Variants in FBXO11 observed in about 807,000 individuals in gnomAD.
FBXO11 encodes the protein F-box protein 11.
Under a neutral mutation model 117.0 loss-of-function variants are expected in FBXO11, and 13 were observed. The observed-to-expected ratio is 0.11, with a 90% CI of 0.07 to 0.18. The LOEUF (loss-of-function observed/expected upper bound fraction) is 0.18, where lower values mean the gene tolerates loss of function less well. Ranked by LOEUF, FBXO11 falls within the 10% of genes least tolerant of loss-of-function variation. The pLI, the probability that FBXO11 is intolerant of heterozygous loss-of-function variation, is 1.00. For synonymous variants in FBXO11, 490 were observed against 380.5 expected, an observed-to-expected ratio of 1.29 and a Z score of -3.35; for missense variants, 767 against 1,164.4, an observed-to-expected ratio of 0.66 and a Z score of 4.97.
At chr2:47,902,012 T>A (rs997441767) in intron 1 of FBXO11, among the ~76,000 whole-genome samples, 18 of 152,256 alleles carry the variant, frequency 1.2e-4, no homozygotes, top group African/African-American at 4.3e-4. Flanking sequence ...CTCAGCTCAC[T>A]ACAACCTCAG....
Position 47,807,648 on chromosome 2 carries a change from T to C in FBXO11, c.*470A>G, listed in dbSNP as rs1670315194. The stretch of plus-strand genomic sequence containing the variant: ...GAGATTAAAGCATTAAAATCATATT[T>C]CTCAATCTGAATACATGTTAAAAAA... On this transcript the variant is annotated 3_prime_UTR_variant, in exon 23 of 23. Coordinates refer to ENST00000403359, the MANE Select transcript of FBXO11 (RefSeq NM_001190274.2). The C allele has an allele frequency of 9.3e-6, 2 of 215,488 alleles. No individual in the cohort carries two copies. Among genetic ancestry groups the C allele is most frequent in the Non-Finnish European group, 1.8e-5 (2 of 110,192 alleles). The allele number at this position is 215,488 out of a possible 1,614,324, so 13.3% of individuals were successfully genotyped here.
chr2:47,842,802 A>G lies in FBXO11; in HGVS notation c.233-3033T>C, dbSNP rs1233722082. ...TTTAAAAAAAAAAAAAAAAAAAGAT[A>G]CAGGGTCTCACTTTGTCACCCAGGC... On this transcript the variant is annotated intron_variant, in intron 1 of 22. Coordinates refer to ENST00000403359, the MANE Select transcript of FBXO11 (RefSeq NM_001190274.2). 2.0e-5 allele frequency among the ~76,000 whole-genome samples: 3 copies of G among 150,812 alleles called. No homozygotes were observed. The South Asian group carries it at 6.3e-4, about 32-fold the overall frequency.
intron 1 of FBXO11, among the ~76,000 whole-genome samples, chr2:47,846,474 ATTT>A (rs906843894): frequency 8.6e-5 from 13 of 151,892 alleles, no homozygotes; most frequent in African/African-American, 3.1e-4. Context: ...TCAAAAAAAA[ATTT>A]TTTTTTAATT....
intron 1 of FBXO11, among the ~76,000 whole-genome samples, chr2:47,889,545 A>C (rs1677111914): frequency 1.3e-5 from 2 of 152,170 alleles, no homozygotes. Context: ...AACTAAATTC[A>C]TGTTTCAAAG....
At chr2:47,876,176 T>C (rs764216998) in intron 1 of FBXO11, among the ~76,000 whole-genome samples, 8 of 152,192 alleles carry the variant, frequency 5.3e-5, no homozygotes, top group South Asian at 4.1e-4. Flanking sequence ...TACCCTGAAG[T>C]TGGTCAGTGT....
At chr2:47,857,474 C>T (rs570021266) in intron 1 of FBXO11, among the ~76,000 whole-genome samples, 24 of 152,114 alleles carry the variant, frequency 1.6e-4, no homozygotes, top group African/African-American at 5.5e-4. Flanking sequence ...TATATGCAAC[C>T]AGATCATGTG....
intron 1 of FBXO11, among the ~76,000 whole-genome samples, chr2:47,885,766 G>A (rs745737094): frequency 1.3e-4 from 20 of 152,094 alleles, no homozygotes; most frequent in Non-Finnish European, 2.2e-4. Context: ...ACCAAGAGAC[G>A]AAAGGAGTAT....
chr2:47,905,598 G>C lies in FBXO11; in HGVS notation c.123C>G (p.Pro41=), dbSNP rs1193215846. ...PPPQPPQQQP[P]QQQPPPPPQQ... ...GCGGCGGCGGCGGAGGCTGCTGCTGGGGCGGCTGCTGCTGGGGCGGCTGCG... is the reference window on the plus strand; with the variant it reads ...GCGGCGGCGGCGGAGGCTGCTGCTGCGGCGGCTGCTGCTGGGGCGGCTGCG... Residue 41 remains proline (P), a synonymous_variant, in exon 1 of 23, where the codon CCC becomes CCG. Coordinates refer to ENST00000403359, the MANE Select transcript of FBXO11 (RefSeq NM_001190274.2). 11 of 1,294,084 alleles carry C rather than the reference G, an allele frequency of 8.5e-6. No individual in the cohort carries two copies. The highest frequency in any genetic ancestry group is 1.6e-5 in the African/African-American group (1 of 63,616). The allele number at this position is 1,294,084 out of a possible 1,614,324, so 80.2% of individuals were successfully genotyped here. A position where few individuals can be genotyped will look rare whatever the true frequency, so the allele number is the denominator to read the frequency against.
At chr2:47,901,036 CGT>C (rs1330434456) in intron 1 of FBXO11, among the ~76,000 whole-genome samples, 2 of 136,206 alleles carry the variant, frequency 1.5e-5, no homozygotes, top group East Asian at 3.0e-4. Context: ...TATATACACA[CGT>C]GTGTACATAT....
At chr2:47,903,279 C>T (rs1240887486) in intron 1 of FBXO11, among the ~76,000 whole-genome samples, 1 of 152,174 alleles carries the variant, frequency 6.6e-6, no homozygotes, top group Non-Finnish European at 1.5e-5. Context: ...ACACTATTTT[C>T]CCTAAAGTTC....
At chr2:47,832,263 T>G in intron 11 of FBXO11, 86 bp downstream of exon 11, 2 of 1,130,176 alleles carry the variant, frequency 1.8e-6, no homozygotes, top group Non-Finnish European at 2.5e-6. Flanking sequence ...TTCAGATAAT[T>G]TGGTGATGAG....
intron 1 of FBXO11, among the ~76,000 whole-genome samples, chr2:47,903,075 G>C (rs146874092): frequency 6.0e-4 from 91 of 151,916 alleles, no homozygotes; most frequent in African/African-American, 2.1e-3. Context: ...TAAAACTTTC[G>C]AAATAGAGTA....
At chr2:47,809,771 TAGCA>T (rs940060508) in intron 19 of FBXO11, 64 bp from the exon 20 acceptor site, 36 of 1,056,052 alleles carry the variant, frequency 3.4e-5, no homozygotes, top group Non-Finnish European at 5.2e-5. Flanking sequence ...AACCTGAAAT[TAGCA>T]AGCAAATGTA....
At chr2:47,856,386 G>A (rs138597282) in intron 1 of FBXO11, among the ~76,000 whole-genome samples, 27 of 152,276 alleles carry the variant, frequency 1.8e-4, no homozygotes, top group African/African-American at 6.3e-4. Flanking sequence ...AGCAATTAAT[G>A]GACTATCTCA....
chr2:47,810,814 T>G (rs1670560010), intron 18 of FBXO11: 1 of 157,118 alleles, frequency 6.4e-6, no homozygotes, highest in Non-Finnish European at 1.4e-5. Flanking sequence ...AGCAAGCCCT[T>G]ATTTCTGGCC....
intron 14 of FBXO11, among the ~76,000 whole-genome samples, chr2:47,819,441 C>A (rs1671227440): frequency 6.6e-6 from 1 of 152,142 alleles, no homozygotes; most frequent in South Asian, 2.1e-4. Flanking sequence ...GTCTTGAACT[C>A]CTGACCTCGT....
chr2:47,835,216 A>G (rs1243685505), intron 5 of FBXO11, among the ~76,000 whole-genome samples: 1 of 152,210 alleles, frequency 6.6e-6, no homozygotes, highest in Admixed American at 6.5e-5. Context: ...GACAATCAAA[A>G]AATGTCTCCC....
chr2:47,901,171 GTATATA>G (rs368199849), intron 1 of FBXO11, among the ~76,000 whole-genome samples: 12 of 134,852 alleles, frequency 8.9e-5, no homozygotes, highest in Non-Finnish European at 1.9e-4. Context: ...ACATATATAT[GTATATA>G]TATGTGGGTA....
At chr2:47,864,753 A>AT (rs1337621521) in intron 1 of FBXO11, among the ~76,000 whole-genome samples, 1 of 152,240 alleles carries the variant, frequency 6.6e-6, no homozygotes, top group African/African-American at 2.4e-5. Flanking sequence ...GGGCAATGAC[A>AT]TATCTATGAA....
Sources: gnomAD v4.1 joint callset for allele counts (sites outside exome capture counted in the v4.1 genomes callset) on GRCh38, gnomAD v4.1.1 for gene constraint, MANE v1.5 for transcripts, NCBI Gene and HGNC (gene_info 2026-07-23, HGNC 2026-07-21) for gene names.